RBMS3: variants seen among roughly 807,000 people sequenced by gnomAD.
RBMS3 encodes RNA binding motif single stranded interacting protein 3, also known as RNA-binding motif, single-stranded-interacting protein 3.
A neutral mutation model predicts 66.8 loss-of-function variants in RBMS3; 27 were observed. The observed-to-expected ratio is 0.40, with a 90% confidence interval of 0.30 to 0.56. RBMS3 has a LOEUF of 0.56. Ranked by LOEUF, RBMS3 falls within the 20% of genes least tolerant of loss-of-function variation. RBMS3 has a pLI of 0.40. For synonymous variants in RBMS3, 188 were observed against 183.0 expected, an observed-to-expected ratio of 1.03 and a Z score of -0.22; for missense variants, 513 against 549.5, an observed-to-expected ratio of 0.93 and a Z score of 0.66.
At chr3:29,515,828 A>G (rs1175822895) in intron 3 of RBMS3, among the ~76,000 whole-genome samples, 1 of 152,206 alleles carries the variant, frequency 6.6e-6, no homozygotes, top group Admixed American at 6.5e-5. Flanking sequence ...GTGCCAGCTG[A>G]GTGTGTCCTT....
chr3:30,005,022 G>A lies in RBMS3; in HGVS notation c.*1160G>A. On this transcript the variant is annotated 3_prime_UTR_variant, in exon 15 of 15. Coordinates refer to ENST00000383767, the MANE Select transcript of RBMS3 (RefSeq NM_001003793.3). ...TAGTTGTGATCAAATTCAGCCTATG[G>A]ATGGCCTATTTTATACCAAAGATGA... 6.6e-6 allele frequency: 1 copy of A among 151,620 alleles called. No individual in the cohort carries two copies. Among genetic ancestry groups the A allele is most frequent in the East Asian group, 1.9e-4 (1 of 5,166 alleles). The allele number at this position is 151,620 out of a possible 1,614,324, so 9.4% of individuals were successfully genotyped here. A position where few individuals can be genotyped will look rare whatever the true frequency, so the allele number is the denominator to read the frequency against.
intron 10 of RBMS3, among the ~76,000 whole-genome samples, chr3:29,919,230 C>G (rs2060710208): frequency 6.6e-6 from 1 of 152,052 alleles, no homozygotes; most frequent in Non-Finnish European, 1.5e-5. Flanking sequence ...GCTACTGACT[C>G]ACTAAATGAA....
At chr3:29,807,791 G>GGTGT (rs141326804) in intron 6 of RBMS3, among the ~76,000 whole-genome samples, 5 of 148,632 alleles carry the variant, frequency 3.4e-5, no homozygotes, top group African/African-American at 1.2e-4. Context: ...TATGTGAAGG[G>GGTGT]GTGTGTGTGT....
chr3:29,867,246 G>A (rs2059384851), intron 6 of RBMS3, among the ~76,000 whole-genome samples: 1 of 151,916 alleles, frequency 6.6e-6, no homozygotes, highest in Non-Finnish European at 1.5e-5. Context: ...TCTAGCTGGG[G>A]TGGGAATGGG....
In RBMS3 at chr3:30,006,715, T is replaced by G. The variant is rs914249997; in HGVS notation, c.*2853T>G. 2.6e-5 allele frequency: 4 copies of G among 151,974 alleles called. No homozygotes were observed. Among genetic ancestry groups the G allele is most frequent in the Non-Finnish European group, 5.9e-5 (4 of 67,898 alleles). The allele number at this position is 151,974 out of a possible 1,614,324, so 9.4% of individuals were successfully genotyped here. On this transcript the variant is annotated 3_prime_UTR_variant, in exon 15 of 15. Coordinates refer to ENST00000383767, the MANE Select transcript of RBMS3 (RefSeq NM_001003793.3). ...ATTTGAATATGAAACCAACATACTT[T>G]CTTTCATTTTTGTGAAAAAATAACC...
At position 29,739,809 on chromosome 3, in the gene RBMS3, T is replaced by C. The variant is rs2054554166; in HGVS notation, c.489T>C (p.Phe163=). The C allele has an allele frequency of 1.9e-6, 3 of 1,613,344 alleles. No individual in the cohort carries two copies. In the African/African-American group the frequency reaches 4.0e-5, roughly 22 times the overall value. The part of the protein sequence containing the change: ...EQELENMLKP[F]GHVISTRILR... ...AGCTTGAGAATATGCTGAAACCCTT[T>C]GGACATGTCATTTCCACAAGAATAC... The change falls in exon 5 of 15, where the codon TTT becomes TTC. Residue 163 remains phenylalanine, a synonymous_variant. Coordinates refer to ENST00000383767, the MANE Select transcript of RBMS3 (RefSeq NM_001003793.3).
At chr3:29,824,344 T>A (rs1452807137) in intron 6 of RBMS3, among the ~76,000 whole-genome samples, 1 of 152,136 alleles carries the variant, frequency 6.6e-6, no homozygotes, top group Non-Finnish European at 1.5e-5. Context: ...AGACACTGAA[T>A]CTGCTACTGC....
chr3:29,948,985 C>T (rs1490392449), intron 12 of RBMS3, among the ~76,000 whole-genome samples: 1 of 151,656 alleles, frequency 6.6e-6, no homozygotes, highest in Non-Finnish European at 1.5e-5. Context: ...GGACTCTGTA[C>T]ATGATATGTG....
At chr3:29,978,982 C>T (rs1241219230) in intron 12 of RBMS3, among the ~76,000 whole-genome samples, 1 of 151,350 alleles carries the variant, frequency 6.6e-6, no homozygotes. Flanking sequence ...AGTAAAAAAG[C>T]ATATCTAGGC....
intron 3 of RBMS3, among the ~76,000 whole-genome samples, chr3:29,522,149 C>G (rs2044884461): frequency 6.6e-6 from 1 of 152,130 alleles, no homozygotes; most frequent in Non-Finnish European, 1.5e-5. Flanking sequence ...TCTAGAGGAG[C>G]AATCCAGAGG....
intron 6 of RBMS3, among the ~76,000 whole-genome samples, chr3:29,785,841 G>A (rs180798331): frequency 1.3e-5 from 2 of 152,022 alleles, no homozygotes; most frequent in East Asian, 3.9e-4. Flanking sequence ...GTCTTAGCCA[G>A]AACAATCAAA....
At chr3:29,410,871 G>T (rs2040238114) in intron 1 of RBMS3, among the ~76,000 whole-genome samples, 1 of 151,252 alleles carries the variant, frequency 6.6e-6, no homozygotes. Context: ...CTGTTGGAAG[G>T]TTTTGGGAAA....
At chr3:29,371,506 C>T (rs1001208465) in intron 1 of RBMS3, among the ~76,000 whole-genome samples, 2 of 152,076 alleles carry the variant, frequency 1.3e-5, no homozygotes, top group African/African-American at 4.8e-5. Flanking sequence ...GTAGGAAGTG[C>T]TTGCAAGGAA....
At chr3:29,431,492 T>C (rs904933475) in intron 1 of RBMS3, among the ~76,000 whole-genome samples, 5 of 151,654 alleles carry the variant, frequency 3.3e-5, no homozygotes, top group Non-Finnish European at 7.4e-5. Flanking sequence ...GGGGTTTCAC[T>C]ATGTTGGCCA....
At chr3:29,368,663 C>CT (rs67735906) in intron 1 of RBMS3, among the ~76,000 whole-genome samples, 2 of 151,572 alleles carry the variant, frequency 1.3e-5, no homozygotes, top group East Asian at 1.9e-4. Context: ...TTGTATTAGT[C>CT]TTTTTTTAAA....
At chr3:29,967,683 T>G (rs556015789) in intron 12 of RBMS3, among the ~76,000 whole-genome samples, 1 of 152,356 alleles carries the variant, frequency 6.6e-6, no homozygotes, top group South Asian at 2.1e-4. Flanking sequence ...TAATTCTTCC[T>G]GATTTAAGCT....
chr3:29,914,875 AC>A (rs1199709950), intron 10 of RBMS3, among the ~76,000 whole-genome samples: 3 of 151,846 alleles, frequency 2.0e-5, no homozygotes, highest in Non-Finnish European at 4.4e-5. Context: ...ATTTCAGGAA[AC>A]TTTTTTTTAT....
At chr3:29,749,673 A>T (rs1199606880) in intron 5 of RBMS3, among the ~76,000 whole-genome samples, 2 of 152,188 alleles carry the variant, frequency 1.3e-5, no homozygotes, top group Non-Finnish European at 2.9e-5. Context: ...TTCTTTACTT[A>T]TCATAAGGTC....
intron 4 of RBMS3, among the ~76,000 whole-genome samples, chr3:29,626,419 G>T (rs1429901608): frequency 6.6e-6 from 1 of 152,116 alleles, no homozygotes; most frequent in East Asian, 1.9e-4. Context: ...TCCTAATTCT[G>T]GATATCAATA....
Sources: gnomAD v4.1 joint callset for allele counts (sites outside exome capture counted in the v4.1 genomes callset) on GRCh38, gnomAD v4.1.1 for gene constraint, MANE v1.5 for transcripts, NCBI Gene and HGNC (gene_info 2026-07-23, HGNC 2026-07-21) for gene names.